The following LYN variants were observed in gnomAD, a reference collection of about 807,000 sequenced individuals.
LYN encodes the protein LYN proto-oncogene, Src family tyrosine kinase.
In LYN, 12 loss-of-function variants were observed where a neutral mutation model predicts 65.0. The ratio of observed to expected loss-of-function variants is 0.18; its 90% CI spans 0.12 to 0.30. The LOEUF is 0.30. LYN is among the 10% of genes least tolerant of loss of function. The pLI is 1.00. For missense variants in LYN, 380 were observed against 623.2 expected (o/e 0.61, Z 4.16); for synonymous variants, 222 against 221.2 (o/e 1.00, Z -0.03).
At chr8:55,969,586 T>C in intron 9 of LYN, 131 bp from the exon 10 acceptor site, 1 of 733,326 alleles carries the variant, frequency 1.4e-6, no homozygotes. Context: ...AGGCTTTATA[T>C]AACCATACAG....
intron 10 of LYN, among the ~76,000 whole-genome samples, chr8:55,983,003 A>G (rs1411607741): frequency 6.6e-6 from 1 of 151,498 alleles, no homozygotes; most frequent in Non-Finnish European, 1.5e-5. Context: ...CCCCTCCCCC[A>G]TGTCACACGC....
intron 1 of LYN, among the ~76,000 whole-genome samples, chr8:55,939,535 G>GC (rs895581553): frequency 6.6e-6 from 1 of 151,982 alleles, no homozygotes; most frequent in African/African-American, 2.4e-5. Context: ...AACGCAGTGG[G>GC]GGGGGGACAG....
intron 8 of LYN, 106 bp downstream of exon 8, chr8:55,954,090 C>A: frequency 2.5e-6 from 3 of 1,221,346 alleles, no homozygotes; most frequent in Non-Finnish European, 3.5e-6. Flanking sequence ...TAAATTATGT[C>A]AGAAGCATCA....
chr8:55,894,721 G>A (rs1805044499), intron 1 of LYN, among the ~76,000 whole-genome samples: 1 of 152,106 alleles, frequency 6.6e-6, no homozygotes, highest in Non-Finnish European at 1.5e-5. Flanking sequence ...TTTTAGTAGA[G>A]ACGGGGTTTT....
rs114676605 is a variant in LYN, at chr8:55,933,878, A to G, written c.-5-7977A>G. 8.8e-3 allele frequency among the ~76,000 whole-genome samples: 1,230 copies of G among 140,148 alleles called. 12 individuals are homozygous for G. Among genetic ancestry groups the G allele is most frequent in the African/African-American group, 0.035 (1,158 of 33,206 alleles). 91.9% of individuals were successfully genotyped at this position (140,148 alleles called of 152,430 possible). ...CTGCTGCCCCTTCACATTGTGGATA[A>G]CTAGATGACCCTGGGTCTACCTACG... On this transcript the variant is annotated intron_variant, in intron 1 of 12. Transcript: ENST00000519728.
chr8:55,980,519 A>G (rs1230439170), intron 10 of LYN: 1 of 152,382 alleles, frequency 6.6e-6, no homozygotes, highest in African/African-American at 2.4e-5. Flanking sequence ...GATTACAGGC[A>G]TACACCATCG....
rs1379201912 is a variant in LYN at position 56,008,130 on chromosome 8, A to AT, written c.1337-1778_1337-1777insT. Among the ~76,000 whole-genome samples, 391 of 133,774 alleles carry AT rather than the reference A, an allele frequency of 2.9e-3. 5 individuals are homozygous for AT. Among genetic ancestry groups the AT allele is most frequent in the African/African-American group, 0.01 (377 of 36,890 alleles). 87.8% of individuals were successfully genotyped at this position (133,774 alleles called of 152,430 possible). On this transcript the variant is annotated intron_variant, in intron 12 of 12. Transcript: ENST00000519728. ...GGAGACTCTGCCTCAAAAAAAAAAT[A>AT]AAATAAAATAAAATAAAATAAAATA... is the stretch of plus-strand genomic sequence containing the variant.
rs145978065 is a variant in LYN at position 55,951,967 on chromosome 8, A to C, written c.489A>C (p.Gly163=). Residue 163 remains glycine (G), a splice_region_variant and synonymous_variant, in exon 7 of 13, where the codon GGA becomes GGC. Coordinates refer to ENST00000519728, the MANE Select transcript of LYN (RefSeq NM_002350.4). ...TTACTTACACTTTTCCCCCCATAGG[A>C]AGCTTCTCTCTGTCTGTCAGAGACT... ...FLIRESETLK[G]SFSLSVRDFD... 1.2e-4 allele frequency: 198 copies of C among 1,609,932 alleles called. 1 individual carries two copies. The highest frequency in any genetic ancestry group is 7.7e-5 in the Non-Finnish European group (91 of 1,178,956).
Position 56,013,202 on chromosome 8 carries a change from G to A in LYN, c.*3092G>A, listed in dbSNP as rs897352757. On this transcript the variant is annotated 3_prime_UTR_variant, in exon 13 of 13. Coordinates refer to ENST00000519728, the MANE Select transcript of LYN (RefSeq NM_002350.4). The stretch of plus-strand genomic sequence containing the variant: ...TGCCTACACCAGGGATAGATCGAGG[G>A]CACTGAAAGCATCATAAGTATAAAC... 34 of 151,952 alleles carry A rather than the reference G, an allele frequency of 2.2e-4. No homozygotes were observed. The highest frequency in any genetic ancestry group is 7.5e-4 in the African/African-American group (31 of 41,374). 9.4% of individuals were successfully genotyped at this position (151,952 alleles called of 1,614,324 possible).
intron 10 of LYN, among the ~76,000 whole-genome samples, chr8:55,983,238 C>T (rs1807977953): frequency 6.6e-6 from 1 of 152,236 alleles, no homozygotes; most frequent in Non-Finnish European, 1.5e-5. Context: ...GCCCTCAAAC[C>T]TTCCCCTACT....
At chr8:55,987,446 T>C (rs1808108263) in intron 10 of LYN, among the ~76,000 whole-genome samples, 1 of 152,192 alleles carries the variant, frequency 6.6e-6, no homozygotes, top group African/African-American at 2.4e-5. Flanking sequence ...ATTTATTTAT[T>C]TTGAGACAGA....
At chr8:55,939,629 C>T (rs1806542242) in intron 1 of LYN, among the ~76,000 whole-genome samples, 1 of 152,172 alleles carries the variant, frequency 6.6e-6, no homozygotes, top group South Asian at 2.1e-4. Context: ...CGGCCCGGTG[C>T]GCTGTGGGTT....
rs746073795 is a variant in LYN, at chr8:55,950,455, C to A, written c.285-4C>A. The A allele has an allele frequency of 1.7e-5, 28 of 1,600,950 alleles. No individual in the cohort carries two copies. Among genetic ancestry groups the A allele is most frequent in the East Asian group, 2.2e-5 (1 of 44,834 alleles). ...CTTCTTTTTGATGTGTATTTCTATTCTAGGCATGGAGAATGGTGGAAAGCA... is the reference window on the plus strand; with the variant it reads ...CTTCTTTTTGATGTGTATTTCTATTATAGGCATGGAGAATGGTGGAAAGCA... On this transcript the variant is annotated splice_polypyrimidine_tract_variant and splice_region_variant and intron_variant, in intron 4 of 12. Coordinates refer to ENST00000519728, the MANE Select transcript of LYN (RefSeq NM_002350.4).
chr8:56,008,207 A>G (rs981955516), intron 12 of LYN, among the ~76,000 whole-genome samples: 3 of 152,214 alleles, frequency 2.0e-5, no homozygotes, highest in African/African-American at 7.2e-5. Context: ...GTTGATCCCA[A>G]ATGCGGATAG....
At position 56,012,383 on chromosome 8, in the gene LYN, G is replaced by C. The variant is rs142675751; in HGVS notation, c.*2273G>C. The C allele has an allele frequency of 3.8e-3, 684 of 179,110 alleles. 5 individuals carry two copies. The highest frequency in any genetic ancestry group is 0.015 in the African/African-American group (645 of 42,406). 11.1% of individuals were successfully genotyped at this position (179,110 alleles called of 1,614,324 possible). ...CCATACTCCCTACCGCCAAGATTCT[G>C]ACTTAGCTGTTGTGCAGCGGGAGAT... On this transcript the variant is annotated 3_prime_UTR_variant, in exon 13 of 13. Transcript: ENST00000519728.
chr8:55,940,010 G>A (rs1806560863), intron 1 of LYN, among the ~76,000 whole-genome samples: 2 of 152,208 alleles, frequency 1.3e-5, no homozygotes, highest in Non-Finnish European at 2.9e-5. Flanking sequence ...TGATAAACAA[G>A]TTGAAGTTCC....
At chr8:55,903,293 T>A (rs571991106) in intron 1 of LYN, among the ~76,000 whole-genome samples, 2 of 152,322 alleles carry the variant, frequency 1.3e-5, no homozygotes, top group East Asian at 3.9e-4. Context: ...GTGCTGGGCC[T>A]TGTACTTTCT....
At chr8:55,914,455 G>A (rs1233184452) in intron 1 of LYN, among the ~76,000 whole-genome samples, 2 of 152,146 alleles carry the variant, frequency 1.3e-5, no homozygotes, top group Non-Finnish European at 2.9e-5. Flanking sequence ...CATGTGAGCC[G>A]TGTACAGTTC....
intron 4 of LYN, among the ~76,000 whole-genome samples, chr8:55,947,928 A>G (rs1415889996): frequency 1.3e-5 from 2 of 152,264 alleles, no homozygotes; most frequent in South Asian, 2.1e-4. Context: ...GTCTGTGAGC[A>G]CACTTCAGGG....
Sources: allele counts gnomAD v4.1 joint callset (sites outside exome capture counted in the v4.1 genomes callset), GRCh38; gene constraint gnomAD v4.1.1; transcripts MANE v1.5; gene names NCBI Gene and HGNC (gene_info 2026-07-23, HGNC 2026-07-21).